The following SP140L variants were observed in gnomAD, a reference collection of about 807,000 sequenced individuals.
The protein encoded by SP140L is nuclear body protein SP140-like protein.
A neutral mutation model predicts 84.3 loss-of-function variants in SP140L; 64 were observed. That is an observed-to-expected ratio of 0.76 (90% CI 0.62 to 0.94). The LOEUF (loss-of-function observed/expected upper bound fraction) is 0.94. Ranked by LOEUF, SP140L falls within the 40% of genes least tolerant of loss-of-function variation. The probability of loss-of-function intolerance (pLI) is 0.00; values close to 1 mark genes in which losing one functional copy is unlikely to be tolerated. For missense variants in SP140L, 628 were observed against 692.5 expected (o/e 0.91, Z 1.05); for synonymous variants, 242 against 236.9 (o/e 1.02, Z -0.20).
intron 2 of SP140L, among the ~76,000 whole-genome samples, chr2:230,355,547 T>C (rs2060516870): frequency 6.6e-6 from 1 of 152,160 alleles, no homozygotes; most frequent in Non-Finnish European, 1.5e-5. Context: ...AATTGACAAA[T>C]TGATTTGAAA....
At chr2:230,361,718 AC>A (rs1476590047) in intron 5 of SP140L, 21 bp downstream of exon 5, 1 of 1,531,184 alleles carries the variant, frequency 6.5e-7, no homozygotes, top group African/African-American at 1.4e-5. Context: ...CAGAATAAAA[AC>A]GGTTTCTCAT....
intron 2 of SP140L, among the ~76,000 whole-genome samples, chr2:230,349,428 A>G (rs2060300512): frequency 6.6e-6 from 1 of 152,210 alleles, no homozygotes; most frequent in Non-Finnish European, 1.5e-5. Flanking sequence ...GATAGGAATC[A>G]CATTGAGTTT....
intron 2 of SP140L, among the ~76,000 whole-genome samples, chr2:230,344,447 C>T (rs1405571706): frequency 1.3e-5 from 2 of 152,080 alleles, no homozygotes; most frequent in Non-Finnish European, 2.9e-5. Flanking sequence ...GATGGCATAC[C>T]GATGGGTCAT....
intron 5 of SP140L, among the ~76,000 whole-genome samples, chr2:230,362,733 C>T (rs191880546): frequency 5.3e-5 from 8 of 152,250 alleles, no homozygotes; most frequent in Admixed American, 3.3e-4. Flanking sequence ...AAACCACTTA[C>T]GAAGTTTGCC....
At chr2:230,380,927 C>T (rs1419222115) in intron 7 of SP140L, among the ~76,000 whole-genome samples, 1 of 151,642 alleles carries the variant, frequency 6.6e-6, no homozygotes, top group Non-Finnish European at 1.5e-5. Context: ...GAAAACTCTC[C>T]TCAGCACATT....
In SP140L at chr2:230,402,866, T is replaced by C. The variant is rs980824399; in HGVS notation, c.1713T>C (p.Phe571=). ...TTGAGAAGGATTTCAAGGAAGTGTT[T>C]GCTATTCAGGAAACAAATGGGAACA... ...AEFEKDFKEV[F]AIQETNGNS is the part of the protein sequence containing the mutation. Residue 571 remains phenylalanine, a synonymous_variant, in exon 19 of 19, where the codon TTT becomes TTC. Transcript: ENST00000415673. 1 of 1,613,192 alleles carries C rather than the reference T, an allele frequency of 6.2e-7. No homozygotes were observed. The highest frequency in any genetic ancestry group is 1.3e-5 in the African/African-American group (1 of 74,894).
At chr2:230,367,534 T>C (rs2060926190) in intron 5 of SP140L, among the ~76,000 whole-genome samples, 2 of 152,112 alleles carry the variant, frequency 1.3e-5, no homozygotes. Flanking sequence ...GCTTCAATGA[T>C]CCTCCCACCT....
At chr2:230,331,176 CAGTT>C (rs1332246730) in intron 2 of SP140L, among the ~76,000 whole-genome samples, 1 of 152,092 alleles carries the variant, frequency 6.6e-6, no homozygotes, top group Non-Finnish European at 1.5e-5. Context: ...CTAATATCTA[CAGTT>C]CAATCTTTTG....
chr2:230,383,628 C>T, intron 8 of SP140L, 53 bp downstream of exon 8: 1 of 1,536,182 alleles, frequency 6.5e-7, no homozygotes. Flanking sequence ...AAGGCGCTGT[C>T]CATTGTATTC....
At chr2:230,402,108 G>C (rs1487092872) in intron 18 of SP140L, among the ~76,000 whole-genome samples, 1 of 152,200 alleles carries the variant, frequency 6.6e-6, no homozygotes, top group Non-Finnish European at 1.5e-5. Flanking sequence ...AAAGAGAAGA[G>C]AATTTCATCT....
chr2:230,338,976 G>C (rs2059955644), intron 2 of SP140L, among the ~76,000 whole-genome samples: 1 of 137,984 alleles, frequency 7.2e-6, no homozygotes, highest in Admixed American at 7.2e-5. Context: ...TTGTGTCTCT[G>C]CCTGGCTTTG....
At position 230,401,811 on chromosome 2, in the gene SP140L, G is replaced by A. The variant is rs149348058; in HGVS notation, c.1644+4G>A. 0.28 allele frequency: 428,144 copies of A among 1,524,766 alleles called. 62,195 individuals carry two copies. The highest frequency in any genetic ancestry group is 0.3 in the Non-Finnish European group (339,289 of 1,140,056). The allele number at this position is 1,524,766 out of a possible 1,614,324, so 94.5% of individuals were successfully genotyped here. ...GAACCACAGGGCCTCTTACAAGGTA[G>A]GTGGCTCTTCCTGCTTCCATTTCAT... On this transcript the variant is annotated splice_donor_region_variant and intron_variant, in intron 18 of 18. Transcript: ENST00000415673.
intron 14 of SP140L, among the ~76,000 whole-genome samples, chr2:230,398,342 G>A (rs763182148): frequency 3.9e-5 from 6 of 152,122 alleles, no homozygotes; most frequent in Non-Finnish European, 4.4e-5. Context: ...GTACAGCCAG[G>A]CCAACAACTA....
chr2:230,382,298 C>T (rs2149791506), intron 7 of SP140L, among the ~76,000 whole-genome samples: 1 of 152,164 alleles, frequency 6.6e-6, no homozygotes, highest in Admixed American at 6.5e-5. Flanking sequence ...TCAGCATTCT[C>T]AGAGGTGGGA....
intron 5 of SP140L, among the ~76,000 whole-genome samples, chr2:230,367,928 ATC>A: frequency 6.6e-6 from 1 of 152,362 alleles, no homozygotes. Flanking sequence ...GAGAGACTCC[ATC>A]TCAAAAATAA....
intron 9 of SP140L, among the ~76,000 whole-genome samples, chr2:230,388,039 C>G (rs1559453194): frequency 6.6e-6 from 1 of 152,308 alleles, no homozygotes; most frequent in East Asian, 1.9e-4. Flanking sequence ...ACTCACAGAA[C>G]TGCCATTTAT....
At chr2:230,349,715 A>G (rs1222394239) in intron 2 of SP140L, among the ~76,000 whole-genome samples, 4 of 152,192 alleles carry the variant, frequency 2.6e-5, no homozygotes, top group Non-Finnish European at 4.4e-5. Flanking sequence ...GGTACTAAAT[A>G]TACTTACTCT....
At chr2:230,344,957 G>A (rs1193511878) in intron 2 of SP140L, among the ~76,000 whole-genome samples, 3 of 152,162 alleles carry the variant, frequency 2.0e-5, no homozygotes, top group African/African-American at 7.2e-5. Flanking sequence ...ATGTACACTT[G>A]AGTAGAATAT....
intron 5 of SP140L, among the ~76,000 whole-genome samples, chr2:230,363,381 T>C (rs1277867386): frequency 7.2e-5 from 11 of 152,224 alleles, no homozygotes; most frequent in South Asian, 2.1e-4. Flanking sequence ...GTGATAGTCA[T>C]TGTGGTTTCA....
Sources: allele counts gnomAD v4.1 joint callset (sites outside exome capture counted in the v4.1 genomes callset), GRCh38; gene constraint gnomAD v4.1.1; transcripts MANE v1.5; gene names NCBI Gene and HGNC (gene_info 2026-07-23, HGNC 2026-07-21).